The following TMEM154 variants were observed in gnomAD, a reference collection of about 807,000 sequenced individuals.
TMEM154 encodes transmembrane protein 154.
Under a neutral mutation model 24.5 loss-of-function variants are expected in TMEM154, and 27 were observed. The observed-to-expected ratio is 1.10, with a 90% CI of 0.81 to 1.52. The LOEUF (loss-of-function observed/expected upper bound fraction) is 1.52. Among genes scored for constraint, TMEM154 ranks in the 40% most tolerant of loss-of-function variants. The pLI is 0.00. For missense variants in TMEM154, 228 were observed against 213.4 expected, an observed-to-expected ratio of 1.07 and a Z score of -0.43; for synonymous variants, 67 against 76.8, an observed-to-expected ratio of 0.87 and a Z score of 0.67.
chr4:152,658,819 A>G (rs971018299), intron 1 of TMEM154, among the ~76,000 whole-genome samples: 2 of 26,372 alleles, frequency 7.6e-5, no homozygotes, highest in Non-Finnish European at 1.7e-4. Flanking sequence ...TCTCAAAAGA[A>G]AAAAAAAAAA....
In TMEM154 at chr4:152,620,486, C is replaced by A. The variant is rs1348673009; in HGVS notation, c.*8060G>T. ...TCAGGCTATGCTCACCTTAAGGCAT[C>A]CTTGACAATGACTGAAACTTTTTTT... is the stretch of plus-strand genomic sequence containing the variant. On this transcript the variant is annotated 3_prime_UTR_variant, in exon 7 of 7. Transcript: ENST00000304385. The A allele has an allele frequency of 6.6e-6, 1 of 151,276 alleles. No individual in the cohort carries two copies. Among genetic ancestry groups the A allele is most frequent in the East Asian group, 2.0e-4 (1 of 5,118 alleles). The allele number at this position is 151,276 out of a possible 1,614,324, so 9.4% of individuals were successfully genotyped here.
At chr4:152,664,619 A>G (rs1229711782) in intron 1 of TMEM154, among the ~76,000 whole-genome samples, 1 of 152,230 alleles carries the variant, frequency 6.6e-6, no homozygotes, top group Non-Finnish European at 1.5e-5. Context: ...AGTATTATAA[A>G]CTTACTGAAA....
intron 6 of TMEM154, among the ~76,000 whole-genome samples, chr4:152,635,194 AGTGACAGACAC>A (rs1752125274): frequency 1.3e-5 from 2 of 152,224 alleles, no homozygotes; most frequent in South Asian, 4.1e-4. Context: ...GACTGTGCTG[AGTGACAGACAC>A]ACCATTCACC....
At chr4:152,628,813 T>C (rs1184905513) in intron 6 of TMEM154, among the ~76,000 whole-genome samples, 2 of 139,034 alleles carry the variant, frequency 1.4e-5, no homozygotes, top group Admixed American at 7.2e-5. Context: ...ATTTTTTGTA[T>C]TTTTTTTTTT....
At position 152,660,031 on chromosome 4, in the gene TMEM154, G is replaced by A. The variant is rs549992274; in HGVS notation, c.65-7104C>T. Among the ~76,000 whole-genome samples, 41 of 150,072 alleles carry A rather than the reference G, an allele frequency of 2.7e-4. No individual in the cohort carries two copies. In the South Asian group the frequency reaches 7.0e-3, roughly 26 times the overall value. ...ACGGGTAACTGAAACCACGAAAAAC[G>A]AAACTGTGGATAAGGGGGGACTACT... On this transcript the variant is annotated intron_variant, in intron 1 of 6. Coordinates refer to ENST00000304385, the MANE Select transcript of TMEM154 (RefSeq NM_152680.3).
chr4:152,679,574 T>G (rs1023085878), intron 1 of TMEM154, among the ~76,000 whole-genome samples: 6 of 152,156 alleles, frequency 3.9e-5, no homozygotes, highest in Non-Finnish European at 8.8e-5. Context: ...TTTATGGTTT[T>G]CTTAATATGC....
At chr4:152,657,252 GC>G (rs927940376) in intron 1 of TMEM154, among the ~76,000 whole-genome samples, 13 of 151,294 alleles carry the variant, frequency 8.6e-5, no homozygotes, top group Non-Finnish European at 1.6e-4. Context: ...AGTGGCTCAT[GC>G]CTGTAATCCC....
rs1361984828 is a variant in TMEM154, at chr4:152,628,245, G to T, written c.*301C>A. ...AGTGAGTTCAGTGAGCTAGAAGTTG[G>T]CTGAGAGGAGGCAACACATGTTGAT... On this transcript the variant is annotated 3_prime_UTR_variant, in exon 7 of 7. Coordinates refer to ENST00000304385, the MANE Select transcript of TMEM154 (RefSeq NM_152680.3). 8.4e-6 allele frequency: 4 copies of T among 476,752 alleles called. No homozygotes were observed. The highest frequency in any genetic ancestry group is 3.9e-5 in the Admixed American group (1 of 25,828). The allele number at this position is 476,752 out of a possible 1,614,324, so 29.5% of individuals were successfully genotyped here. A position where few individuals can be genotyped will look rare whatever the true frequency, so the allele number is the denominator to read the frequency against.
intron 6 of TMEM154, among the ~76,000 whole-genome samples, chr4:152,640,364 C>A (rs74410220): frequency 0.073 from 11,152 of 152,142 alleles, 463 homozygotes; most frequent in African/African-American, 0.086. Flanking sequence ...AATCAAAACA[C>A]CCCAAATGTG....
intron 1 of TMEM154, among the ~76,000 whole-genome samples, chr4:152,655,348 C>G (rs1728469931): frequency 6.6e-6 from 1 of 152,190 alleles, no homozygotes; most frequent in Non-Finnish European, 1.5e-5. Context: ...GGGAGAGCCC[C>G]TCAACTCTCA....
At chr4:152,639,623 T>C (rs1346580812) in intron 6 of TMEM154, 1 of 152,188 alleles carries the variant, frequency 6.6e-6, no homozygotes, top group Non-Finnish European at 1.5e-5. Context: ...CCCATTTCTT[T>C]TAGAGACAGG....
Position 152,667,376 on chromosome 4 carries a change from T to G in TMEM154, c.64+12494A>C, listed in dbSNP as rs1392809588. 2.0e-5 allele frequency among the ~76,000 whole-genome samples: 3 copies of G among 152,328 alleles called. No individual in the cohort carries two copies. The East Asian group carries it at 5.8e-4, about 29-fold the overall frequency. On this transcript the variant is annotated intron_variant, in intron 1 of 6. Coordinates refer to ENST00000304385, the MANE Select transcript of TMEM154 (RefSeq NM_152680.3). ...CATACAAGGGAATGGAGGAATTGCTTAATAACAACTTATGCATCCTAAATA... is the reference window on the plus strand; with the variant it reads ...CATACAAGGGAATGGAGGAATTGCTGAATAACAACTTATGCATCCTAAATA...
At chr4:152,652,391 G>A in intron 3 of TMEM154, 147 bp downstream of exon 3, 1 of 1,157,592 alleles carries the variant, frequency 8.6e-7, no homozygotes, top group Non-Finnish European at 1.2e-6. Flanking sequence ...AAAGGAATAT[G>A]CATATATTCA....
chr4:152,651,993 T>C (rs1004907861), intron 3 of TMEM154, among the ~76,000 whole-genome samples: 4 of 152,224 alleles, frequency 2.6e-5, no homozygotes, highest in African/African-American at 9.6e-5. Context: ...AGACAGGGAA[T>C]GGCTTGTTGG....
At chr4:152,642,367 G>A (rs996282233) in intron 5 of TMEM154, among the ~76,000 whole-genome samples, 1 of 152,028 alleles carries the variant, frequency 6.6e-6, no homozygotes, top group Admixed American at 6.5e-5. Context: ...TTTAATCTAA[G>A]TAGTAAAAAT....
rs534461052 is a variant in TMEM154 at position 152,650,863 on chromosome 4, G to A, written c.364+1675C>T. On this transcript the variant is annotated intron_variant, in intron 3 of 6. Transcript: ENST00000304385. ...TCCACCAGGCCTCTTGGGTGACCAG[G>A]TGCATTGTCAATGAGCAGTAATATT... is the stretch of plus-strand genomic sequence containing the variant. Among the ~76,000 whole-genome samples the A allele has an allele frequency of 2.6e-5, 4 of 152,298 alleles. No individual in the cohort carries two copies. In the South Asian group the frequency reaches 6.2e-4, roughly 24 times the overall value.
chr4:152,636,753 G>A (rs183049193), intron 6 of TMEM154, among the ~76,000 whole-genome samples: 12 of 152,320 alleles, frequency 7.9e-5, no homozygotes, highest in East Asian at 1.9e-4. Context: ...CATGGTGGTC[G>A]TAGGTTCTAT....
Position 152,633,232 on chromosome 4 carries a change from G to A in TMEM154, c.537-4671C>T, listed in dbSNP as rs185093443. 5.0e-4 allele frequency among the ~76,000 whole-genome samples: 76 copies of A among 152,288 alleles called. No homozygotes were observed. The East Asian group carries it at 0.014, about 27-fold the overall frequency. On this transcript the variant is annotated intron_variant, in intron 6 of 6. Coordinates refer to ENST00000304385, the MANE Select transcript of TMEM154 (RefSeq NM_152680.3). ...TGGTGCCCACTGCCACAGCTCTGTGGACCGTGAGCAACGGACAAAGCTCTG... is the reference window on the plus strand; with the variant it reads ...TGGTGCCCACTGCCACAGCTCTGTGAACCGTGAGCAACGGACAAAGCTCTG...
chr4:152,679,870 C>T lies in TMEM154; in HGVS notation c.64G>A (p.Gly22Ser), dbSNP rs1331628140. 1.2e-6 allele frequency: 2 copies of T among 1,607,788 alleles called. No individual in the cohort carries two copies. Among genetic ancestry groups the T allele is most frequent in the Admixed American group, 1.7e-5 (1 of 59,120 alleles). The change falls in exon 1 of 7, where the codon GGT becomes AGT. Residue 22 changes from glycine (G) to serine (S), a missense_variant and splice_region_variant. Gly to Ser is a moderately conservative substitution (Grantham distance 56). Transcript: ENST00000304385. ...GGAGTAGGAAGTGGAGGCGGCTTAC[C>T]CCGGCCGACGGGAACGAGCGCGATC... The part of the protein sequence containing the change: ...LVIALVPVGR[G>S]NYEELENSGD...
Sources: gnomAD v4.1 joint callset for allele counts (sites outside exome capture counted in the v4.1 genomes callset) on GRCh38, gnomAD v4.1.1 for gene constraint, MANE v1.5 for transcripts, NCBI Gene and HGNC (gene_info 2026-07-23, HGNC 2026-07-21) for gene names.